Variants in AMTN observed in about 807,000 individuals in gnomAD.
AMTN encodes RSTI689.
A neutral mutation model predicts 27.4 loss-of-function variants in AMTN; 29 were observed. The observed-to-expected ratio is 1.06, with a 90% CI of 0.79 to 1.44. The LOEUF (loss-of-function observed/expected upper bound fraction) is 1.44, where lower values mean the gene tolerates loss of function less well. Among genes scored for constraint, AMTN ranks in the 40% most tolerant of loss-of-function variants. The pLI is 0.00. For missense variants in AMTN, 247 were observed against 248.8 expected (o/e 0.99, Z 0.05); for synonymous variants, 86 against 95.7 (o/e 0.90, Z 0.59).
chr4:70,520,880 G>C (rs529984589), intron 2 of AMTN, among the ~76,000 whole-genome samples: 1 of 152,262 alleles, frequency 6.6e-6, no homozygotes, highest in South Asian at 2.1e-4. Context: ...CCAATGTTCA[G>C]GGAAAGAACA....
chr4:70,520,152 C>G lies in AMTN; in HGVS notation c.54+1321C>G, dbSNP rs1288924871. On this transcript the variant is annotated intron_variant, in intron 2 of 8. Transcript: ENST00000339336. The stretch of plus-strand genomic sequence containing the variant: ...AGCAAAACTTTCCAGGAGTGCAGCT[C>G]TCATGTGAGGTGGGCTGAGGTGGAG... 2.0e-5 allele frequency among the ~76,000 whole-genome samples: 3 copies of G among 152,268 alleles called. No individual in the cohort carries two copies. In the East Asian group the frequency reaches 5.8e-4, roughly 29 times the overall value.
rs747553999 is a variant in AMTN, at chr4:70,518,808, C to A, written c.31C>A (p.Leu11Ile). The A allele has an allele frequency of 1.2e-6, 2 of 1,609,764 alleles. No individual in the cohort carries two copies. The highest frequency in any genetic ancestry group is 3.3e-5 in the Admixed American group (2 of 59,982). The change falls in exon 2 of 9, where the codon CTA becomes ATA. Residue 11 changes from leucine to isoleucine, a missense_variant. Leu to Ile is a conservative substitution (Grantham distance 5, BLOSUM62 2). Transcript: ENST00000339336. MRSTILLFCL[L>I]GSTRSLPQLK... Reference sequence around the variant, plus strand: ...GAGTACGATTCTACTGTTTTGTCTTCTAGGATCAACTCGGTCATTACCAGT... The same window carrying A: ...GAGTACGATTCTACTGTTTTGTCTTATAGGATCAACTCGGTCATTACCAGT...
intron 5 of AMTN, among the ~76,000 whole-genome samples, chr4:70,526,888 T>C (rs1432321516): frequency 6.6e-6 from 1 of 152,200 alleles, no homozygotes; most frequent in African/African-American, 2.4e-5. Context: ...TTCCCATACC[T>C]GACCTTCCCC....
At chr4:70,530,269 TTACTA>T (rs1736193278) in intron 7 of AMTN, among the ~76,000 whole-genome samples, 1 of 151,996 alleles carries the variant, frequency 6.6e-6, no homozygotes, top group African/African-American at 2.4e-5. Flanking sequence ...GCATTCACCT[TTACTA>T]TATAGAATGC....
At chr4:70,532,331 G>A (rs1325978447) in intron 8 of AMTN, 124 bp from the exon 9 acceptor site, 3 of 709,562 alleles carry the variant, frequency 4.2e-6, no homozygotes, top group Non-Finnish European at 6.8e-6. Context: ...AATATCCTTA[G>A]AGATAACTAA....
At chr4:70,523,629 C>G (rs28444783) in intron 3 of AMTN, among the ~76,000 whole-genome samples, 102,997 of 152,092 alleles carry the variant, frequency 0.68, 35,515 homozygotes, top group African/African-American at 0.76. Context: ...TAAGAAATAA[C>G]AGTAAATCAC....
intron 3 of AMTN, 84 bp from the exon 4 acceptor site, chr4:70,523,784 C>A: frequency 1.6e-6 from 2 of 1,215,064 alleles, no homozygotes; most frequent in South Asian, 1.3e-5. Context: ...ACAGGACTGT[C>A]AATTACATGA....
rs755105782 is a variant in AMTN, at chr4:70,531,187, C to A, written c.506C>A (p.Ala169Glu). 7.4e-6 allele frequency: 12 copies of A among 1,613,872 alleles called. No individual in the cohort carries two copies. The South Asian group carries it at 1.3e-4, about 18-fold the overall frequency. The change falls in exon 8 of 9, where the codon GCA becomes GAA. Residue 169 changes from alanine (A) to glutamate (E), a missense_variant. Transcript: ENST00000339336. Reference protein sequence around the residue: ...GVNPATQGTPAGRLPTPSGTD... With the variant: ...GVNPATQGTPEGRLPTPSGTD... ...AATCCTGCCACCCAGGGAACCCCAG[C>A]AGGCCGCCTCCCAACTCCCAGTGGC...
intron 7 of AMTN, among the ~76,000 whole-genome samples, chr4:70,530,805 T>G (rs1736203264): frequency 6.6e-6 from 1 of 152,174 alleles, no homozygotes; most frequent in South Asian, 2.1e-4. Context: ...CATGTTAGGT[T>G]TAATAATATG....
At position 70,529,220 on chromosome 4, in the gene AMTN, AT is replaced by A. The variant is rs1269809913; in HGVS notation, c.357+11del. ...AAGCTCAGAGGAATTGGTAAAAAAAATAAAAATACTATTTCAAATTATTTTC... is the reference window on the plus strand; with the variant it reads ...AAGCTCAGAGGAATTGGTAAAAAAAAAAAAATACTATTTCAAATTATTTTC... On this transcript the variant is annotated intron_variant, in intron 7 of 8. Transcript: ENST00000339336. 3.9e-6 allele frequency: 6 copies of A among 1,534,730 alleles called. No homozygotes were observed. The highest frequency in any genetic ancestry group is 5.3e-6 in the Non-Finnish European group (6 of 1,142,598).
rs569887052 is a variant in AMTN at position 70,519,909 on chromosome 4, C to G, written c.54+1078C>G. Reference sequence around the variant, plus strand: ...CTTACTTTATCCCAAATACATACTACATACGTGTGTGTGTGTGTGTGTGTC... The same window carrying G: ...CTTACTTTATCCCAAATACATACTAGATACGTGTGTGTGTGTGTGTGTGTC... On this transcript the variant is annotated intron_variant, in intron 2 of 8. Transcript: ENST00000339336. 4.4e-3 allele frequency among the ~76,000 whole-genome samples: 615 copies of G among 138,996 alleles called. 1 individual carries two copies. Among genetic ancestry groups the G allele is most frequent in the Middle Eastern group, 7.0e-3 (2 of 286 alleles). 91.2% of individuals were successfully genotyped at this position (138,996 alleles called of 152,430 possible).
At chr4:70,518,695 T>C in intron 1 of AMTN, 41 bp downstream of exon 1, 1 of 1,153,050 alleles carries the variant, frequency 8.7e-7, no homozygotes, top group Non-Finnish European at 1.3e-6. Context: ...ACTTTTGTTT[T>C]TAAAGTATCA....
chr4:70,524,075 G>A (rs1736042663), intron 4 of AMTN, 142 bp downstream of exon 4: 11 of 638,054 alleles, frequency 1.7e-5, no homozygotes, highest in East Asian at 1.4e-4. Flanking sequence ...TAAGTTGAAA[G>A]AGAGGAGAGA....
chr4:70,518,735 G>C (rs1422862120), intron 1 of AMTN, 28 bp from the exon 2 acceptor site: 1 of 1,420,308 alleles, frequency 7.0e-7, no homozygotes, highest in Non-Finnish European at 9.9e-7. Context: ...AAAATACATG[G>C]AAGAGTAACA....
chr4:70,523,722 G>A (rs1352123120), intron 3 of AMTN, 146 bp from the exon 4 acceptor site: 1 of 670,478 alleles, frequency 1.5e-6, no homozygotes, highest in Non-Finnish European at 2.6e-6. Flanking sequence ...CAATGCTAGT[G>A]AGAGGCCCCG....
intron 8 of AMTN, among the ~76,000 whole-genome samples, chr4:70,531,924 G>A (rs1438300123): frequency 6.6e-6 from 1 of 152,242 alleles, no homozygotes; most frequent in Non-Finnish European, 1.5e-5. Context: ...CCAAAGAGCT[G>A]GGATTGCAGG....
At chr4:70,524,848 A>G (rs1736064969) in intron 4 of AMTN, 24 bp from the exon 5 acceptor site, 2 of 1,607,162 alleles carry the variant, frequency 1.2e-6, no homozygotes, top group East Asian at 4.5e-5. Flanking sequence ...AAATACAATG[A>G]AAGTCTTCTT....
intron 2 of AMTN, among the ~76,000 whole-genome samples, chr4:70,522,240 A>AT (rs946957259): frequency 1.3e-5 from 2 of 152,176 alleles, no homozygotes; most frequent in African/African-American, 4.8e-5. Flanking sequence ...TAGGAGGAAT[A>AT]TTTTCATATC....
At chr4:70,526,699 C>A (rs1458800568) in intron 5 of AMTN, among the ~76,000 whole-genome samples, 3 of 152,176 alleles carry the variant, frequency 2.0e-5, no homozygotes, top group African/African-American at 7.2e-5. Context: ...AGACTTACTG[C>A]ATCTTCATGT....
Sources: gnomAD v4.1 joint callset for allele counts (sites outside exome capture counted in the v4.1 genomes callset) on GRCh38, gnomAD v4.1.1 for gene constraint, MANE v1.5 for transcripts, NCBI Gene and HGNC (gene_info 2026-07-23, HGNC 2026-07-21) for gene names.